The following DAG1 variants were observed in gnomAD, a reference collection of about 807,000 sequenced individuals.
The protein encoded by DAG1 is dystroglycan 1, also known as dystroglycan 1 (dystrophin-associated glycoprotein 1).
In DAG1, 8 loss-of-function variants were observed where a neutral mutation model predicts 46.1. The observed-to-expected ratio is 0.17, with a 90% CI of 0.10 to 0.31. DAG1 has a LOEUF of 0.31. Among genes scored for constraint, DAG1 ranks in the 10% least tolerant of loss-of-function variants. The probability of loss-of-function intolerance (pLI) is 1.00; values close to 1 mark genes in which losing one functional copy is unlikely to be tolerated. For synonymous variants in DAG1, 495 were observed against 481.8 expected (o/e 1.03, Z -0.36); for missense variants, 1,003 against 1,189.9 (o/e 0.84, Z 2.31).
At chr3:49,496,575 TG>T (rs1401622873) in intron 1 of DAG1, among the ~76,000 whole-genome samples, 1 of 152,032 alleles carries the variant, frequency 6.6e-6, no homozygotes, top group Non-Finnish European at 1.5e-5. Flanking sequence ...TTGGCCAGGC[TG>T]GTCTTGAACT....
intron 1 of DAG1, among the ~76,000 whole-genome samples, chr3:49,486,234 T>TTTA (rs1559551192): frequency 1.5e-5 from 2 of 137,894 alleles, no homozygotes; most frequent in East Asian, 2.1e-4. Flanking sequence ...TTATTTATTT[T>TTTA]TTGAGACGGA....
chr3:49,512,231 T>C (rs2107662271), intron 2 of DAG1, among the ~76,000 whole-genome samples: 1 of 151,830 alleles, frequency 6.6e-6, no homozygotes, highest in East Asian at 1.9e-4. Flanking sequence ...AGACAGAGTT[T>C]CGCTCTTGTC....
intron 1 of DAG1, among the ~76,000 whole-genome samples, chr3:49,496,696 G>A (rs1053571823): frequency 2.0e-5 from 3 of 147,942 alleles, no homozygotes; most frequent in African/African-American, 7.5e-5. Context: ...GCACAATCTC[G>A]GCTCACTGCA....
At chr3:49,482,813 G>A (rs2107111258) in intron 1 of DAG1, among the ~76,000 whole-genome samples, 1 of 152,258 alleles carries the variant, frequency 6.6e-6, no homozygotes, top group Middle Eastern at 3.4e-3. Flanking sequence ...TTTTGATTTT[G>A]TAGGTATCTG....
intron 1 of DAG1, among the ~76,000 whole-genome samples, chr3:49,509,580 T>A (rs2050706776): frequency 6.6e-6 from 1 of 152,140 alleles, no homozygotes; most frequent in Non-Finnish European, 1.5e-5. Flanking sequence ...TTTGCATAGC[T>A]CCCATATTTC....
chr3:49,488,391 C>T (rs1233515966), intron 1 of DAG1, among the ~76,000 whole-genome samples: 5 of 152,148 alleles, frequency 3.3e-5, no homozygotes, highest in Non-Finnish European at 7.4e-5. Flanking sequence ...ATGTACATAT[C>T]CTTTGACCCA....
upstream of DAG1, chr3:49,470,028 G>C (rs2049462181): frequency 6.6e-6 from 1 of 152,312 alleles, no homozygotes; most frequent in African/African-American, 2.4e-5. Flanking sequence ...TTCCATAATG[G>C]GGCGTGACTT....
chr3:49,498,961 C>T (rs996871655), intron 1 of DAG1, among the ~76,000 whole-genome samples: 4 of 152,196 alleles, frequency 2.6e-5, no homozygotes, highest in Non-Finnish European at 4.4e-5. Flanking sequence ...CTGCCCACCT[C>T]GGCCTCCCAG....
intron 2 of DAG1, among the ~76,000 whole-genome samples, chr3:49,522,169 A>G (rs1397109044): frequency 6.6e-6 from 1 of 152,086 alleles, no homozygotes; most frequent in Non-Finnish European, 1.5e-5. Context: ...AGCTGGGATT[A>G]CAGGTGCCTG....
chr3:49,525,559 CTTTTT>C (rs66961854), intron 2 of DAG1, among the ~76,000 whole-genome samples: 1 of 140,408 alleles, frequency 7.1e-6, no homozygotes, highest in African/African-American at 2.6e-5. Flanking sequence ...GTGCTACACA[CTTTTT>C]TTTTTTTTTT....
chr3:49,472,192 A>C (rs200079646), intron 1 of DAG1, among the ~76,000 whole-genome samples: 1 of 151,710 alleles, frequency 6.6e-6, no homozygotes, highest in Non-Finnish European at 1.5e-5. Flanking sequence ...AGGAAGAGGG[A>C]GGGGGTCAGG....
chr3:49,475,406 C>CT (rs11320656), intron 1 of DAG1, among the ~76,000 whole-genome samples: 11,866 of 124,458 alleles, frequency 0.095, 903 homozygotes, highest in South Asian at 0.14. Flanking sequence ...ACCTGGCCAG[C>CT]TTTTTTTTTT....
In DAG1 at chr3:49,473,497, C is replaced by T. The variant is rs2049587578; in HGVS notation, c.-117+3064C>T. 3.3e-5 allele frequency among the ~76,000 whole-genome samples: 5 copies of T among 151,994 alleles called. No individual in the cohort carries two copies. The South Asian group carries it at 8.3e-4, about 25-fold the overall frequency. ...ACCTGGGGTACTGCATTTCCTCTTG[C>T]GCACAGCAGGCATCTTAACCCGTGA... On this transcript the variant is annotated intron_variant, in intron 1 of 2. Transcript: ENST00000308775.
chr3:49,533,368 A>C lies in DAG1; in HGVS notation c.*169A>C. 1 of 987,648 alleles carries C rather than the reference A, an allele frequency of 1.0e-6. No individual in the cohort carries two copies. Among genetic ancestry groups the C allele is most frequent in the Non-Finnish European group, 1.5e-6 (1 of 646,406 alleles). The allele number at this position is 987,648 out of a possible 1,614,324, so 61.2% of individuals were successfully genotyped here. A position where few individuals can be genotyped will look rare whatever the true frequency, so the allele number is the denominator to read the frequency against. On this transcript the variant is annotated 3_prime_UTR_variant, in exon 3 of 3. Transcript: ENST00000308775. ...AGCCCGCCCTCTCTGGTCCTCCCAA[A>C]CCCCAAAGCAGCTGGAGAGACTTTG...
At chr3:49,528,275 A>AGTTTTTTTTTTTTT (rs2051239058) in intron 2 of DAG1, among the ~76,000 whole-genome samples, 1 of 66,660 alleles carries the variant, frequency 1.5e-5, no homozygotes, top group Non-Finnish European at 2.6e-5. Flanking sequence ...AAATAGTGTG[A>AGTTTTTTTTTTTTT]TTTTTTTTTT....
At position 49,510,565 on chromosome 3, in the gene DAG1, C is replaced by A. The variant is rs1284420954; in HGVS notation, c.31C>A (p.Leu11Met). 1 of 1,613,758 alleles carries A rather than the reference C, an allele frequency of 6.2e-7. No individual in the cohort carries two copies. The highest frequency in any genetic ancestry group is 8.5e-7 in the Non-Finnish European group (1 of 1,180,004). ...GATGTCTGTGGGCCTCTCGCTGCTG[C>A]TGCCCCTCTCGGGGAGGACCTTTCT... MRMSVGLSLLLPLSGRTFLLL... is the reference protein window; with the variant it reads MRMSVGLSLLMPLSGRTFLLL... The change falls in exon 2 of 3, where the codon CTG (leucine) becomes ATG (methionine). Residue 11 changes from leucine (L) to methionine (M), a missense_variant. By Grantham distance (15) the Leu-to-Met change is conservative. Coordinates refer to ENST00000308775, the MANE Select transcript of DAG1 (RefSeq NM_004393.6).
At chr3:49,480,182 G>GACCTCGT (rs1470468704) in intron 1 of DAG1, among the ~76,000 whole-genome samples, 1 of 142,724 alleles carries the variant, frequency 7.0e-6, no homozygotes, top group African/African-American at 2.6e-5. Context: ...TCGAACTCCT[G>GACCTCGT]ACCTCGTAAT....
At chr3:49,502,675 GTC>G (rs1163369962) in intron 1 of DAG1, among the ~76,000 whole-genome samples, 3 of 124,348 alleles carry the variant, frequency 2.4e-5, no homozygotes, top group Non-Finnish European at 4.8e-5. Context: ...GTCTTGCTCT[GTC>G]GCCTAGGCTG....
intron 1 of DAG1, among the ~76,000 whole-genome samples, chr3:49,478,501 G>A (rs1398393331): frequency 6.8e-6 from 1 of 147,712 alleles, no homozygotes; most frequent in African/African-American, 2.5e-5. Flanking sequence ...GGGAAGCTGA[G>A]GTGGGGGCAT....
Sources: allele counts gnomAD v4.1 joint callset (sites outside exome capture counted in the v4.1 genomes callset), GRCh38; gene constraint gnomAD v4.1.1; transcripts MANE v1.5; gene names NCBI Gene and HGNC (gene_info 2026-07-23, HGNC 2026-07-21).